ITPRIP: variants seen among roughly 807,000 people sequenced by gnomAD.
ITPRIP encodes the protein inositol 1,4,5-trisphosphate receptor interacting protein, also known as inositol 1,4,5-trisphosphate receptor-interacting protein.
ITPRIP carries 32 observed loss-of-function variants against 35.8 expected under a neutral mutation model. The observed-to-expected ratio is 0.89, with a 90% CI of 0.68 to 1.20. ITPRIP has a LOEUF of 1.20. Ranked by LOEUF, ITPRIP falls within the 50% of genes most tolerant of loss-of-function variation. ITPRIP has a pLI of 0.00. For synonymous variants in ITPRIP, 358 were observed against 324.0 expected (o/e 1.11, Z -1.13); for missense variants, 653 against 735.6 (o/e 0.89, Z 1.30).
intron 1 of ITPRIP, among the ~76,000 whole-genome samples, chr10:104,337,355 T>C (rs896336815): frequency 2.0e-5 from 3 of 152,142 alleles, no homozygotes; most frequent in African/African-American, 4.8e-5. Flanking sequence ...CTCTACTGTT[T>C]GTGAAATGAG....
At chr10:104,329,239 T>C (rs775620664) in intron 1 of ITPRIP, among the ~76,000 whole-genome samples, 1 of 151,976 alleles carries the variant, frequency 6.6e-6, no homozygotes, top group Admixed American at 6.6e-5. Context: ...GGCTGAACAA[T>C]AGAGCCGGGC....
At chr10:104,316,191 G>A (rs1373421984) in intron 1 of ITPRIP, 127 bp from the exon 2 acceptor site, 22 of 764,922 alleles carry the variant, frequency 2.9e-5, no homozygotes, top group Non-Finnish European at 4.4e-5. Flanking sequence ...CCCATCGAGA[G>A]CTCCCTGCGG....
Position 104,315,359 on chromosome 10 carries a change from G to A in ITPRIP, c.693C>T (p.Arg231=), listed in dbSNP as rs755110911. The change falls in exon 2 of 2, where the codon CGC becomes CGT. Residue 231 remains arginine (R), a synonymous_variant. Coordinates refer to ENST00000337478, the MANE Select transcript of ITPRIP (RefSeq NM_001272013.2). This position sits in a 1 kb window ranked among gnomAD's most constrained non-coding sequence, Gnocchi z 5.7. ...RFHPELWCSG[R]SVPLDRQGYG... ...AGCCCTGGCGATCCAGGGGCACTGA[G>A]CGGCCGGAGCACCAGAGCTCTGGGT... is the stretch of plus-strand genomic sequence containing the variant. 1 of 1,561,702 alleles carries A rather than the reference G, an allele frequency of 6.4e-7. No homozygotes were observed. The highest frequency in any genetic ancestry group is 8.7e-7 in the Non-Finnish European group (1 of 1,150,668).
At chr10:104,324,791 C>G (rs1288342200) in intron 1 of ITPRIP, among the ~76,000 whole-genome samples, 1 of 152,204 alleles carries the variant, frequency 6.6e-6, no homozygotes, top group African/African-American at 2.4e-5. Context: ...AGGGGCGAGT[C>G]CCCACGCCAC....
rs2013662551 is a variant in ITPRIP, at chr10:104,315,862, C to G, written c.190G>C (p.Ala64Pro). ...RLEEEVARLAAEKEALEQVAE... is the reference protein window; with the variant it reads ...RLEEEVARLAPEKEALEQVAE... ...ACCTGCTCCAGTGCCTCCTTTTCGG[C>G]CGCCAGCCGAGCCACCTCCTCCTCC... The change falls in exon 2 of 2, where the codon GCC (alanine) becomes CCC (proline). Residue 64 changes from alanine (A) to proline (P), a missense_variant. By Grantham distance (27) the Ala-to-Pro change is conservative. Transcript: ENST00000337478. The surrounding 1 kb of genome is among the most constrained non-coding windows in gnomAD (Gnocchi z 5.7). The G allele has an allele frequency of 6.2e-7, 1 of 1,612,936 alleles. No homozygotes were observed. Among genetic ancestry groups the G allele is most frequent in the Non-Finnish European group, 8.5e-7 (1 of 1,179,418 alleles).
At chr10:104,338,184 C>G (rs897328804) in intron 1 of ITPRIP, 62 bp downstream of exon 1, 5 of 152,970 alleles carry the variant, frequency 3.3e-5, no homozygotes, top group African/African-American at 4.8e-5. Flanking sequence ...ACAGCTCCTC[C>G]GAGCTCGCGC....
At position 104,314,055 on chromosome 10, in the gene ITPRIP, A is replaced by T. The variant is rs2013559553; in HGVS notation, c.*353T>A. The T allele has an allele frequency of 1.4e-5, 15 of 1,044,282 alleles. No individual in the cohort carries two copies. The highest frequency in any genetic ancestry group is 1.7e-5 in the Non-Finnish European group (15 of 866,384). 64.7% of individuals were successfully genotyped at this position (1,044,282 alleles called of 1,614,324 possible). A position where few individuals can be genotyped will look rare whatever the true frequency, so the allele number is the denominator to read the frequency against. On this transcript the variant is annotated 3_prime_UTR_variant, in exon 2 of 2. Transcript: ENST00000337478. ...TATTCAAGTACAGACTGGATCTGGG[A>T]TTCAAAAAGAATTACACCCAATCCA...
chr10:104,314,102 C>A lies in ITPRIP; in HGVS notation c.*306G>T. ...TCCAACATTTGCATTGTCTCTAACT[C>A]AGGGTCCACAGCGTGTTCTGCCACC... On this transcript the variant is annotated 3_prime_UTR_variant, in exon 2 of 2. Transcript: ENST00000337478. The A allele has an allele frequency of 8.7e-7, 1 of 1,154,870 alleles. No individual in the cohort carries two copies. Among genetic ancestry groups the A allele is most frequent in the Non-Finnish European group, 1.1e-6 (1 of 935,604 alleles). 71.5% of individuals were successfully genotyped at this position (1,154,870 alleles called of 1,614,324 possible).
In ITPRIP at chr10:104,315,065, G is replaced by C. The variant is rs768580768; in HGVS notation, c.987C>G (p.Asp329Glu). Reference sequence around the variant, plus strand: ...ACTTGATCTTCAGGGACCCCGGGCTGTCCAGCTGGCCAAAGGCCAGGTCGA... The same window carrying C: ...ACTTGATCTTCAGGGACCCCGGGCTCTCCAGCTGGCCAAAGGCCAGGTCGA... ...YEFDLAFGQL[D>E]SPGSLKIKFR... The change falls in exon 2 of 2, where the codon GAC becomes GAG. Residue 329 changes from aspartate to glutamate, a missense_variant. Physicochemically the swap from Asp to Glu is conservative, Grantham distance 45 (BLOSUM62 2). Coordinates refer to ENST00000337478, the MANE Select transcript of ITPRIP (RefSeq NM_001272013.2). The surrounding 1 kb of genome is among the most constrained non-coding windows in gnomAD (Gnocchi z 5.7). 3.1e-6 allele frequency: 5 copies of C among 1,614,206 alleles called. No individual in the cohort carries two copies. In the East Asian group the frequency reaches 8.9e-5, roughly 29 times the overall value.
rs545908377 is a variant in ITPRIP at position 104,326,159 on chromosome 10, G to A, written c.-13-10095C>T. On this transcript the variant is annotated intron_variant, in intron 1 of 1. Coordinates refer to ENST00000337478, the MANE Select transcript of ITPRIP (RefSeq NM_001272013.2). This position sits in a 1 kb window ranked among gnomAD's most constrained non-coding sequence, Gnocchi z 4.8. ...AAGGCCCACTCTCGGGAGAGGGAGC[G>A]GTTTCAAGAAGTCACCAGAATGCCA... Among the ~76,000 whole-genome samples the A allele has an allele frequency of 3.9e-5, 6 of 152,290 alleles. No homozygotes were observed. Among genetic ancestry groups the A allele is most frequent in the South Asian group, 2.1e-4 (1 of 4,828 alleles).
intron 1 of ITPRIP, among the ~76,000 whole-genome samples, chr10:104,318,720 A>T (rs79159747): frequency 0.094 from 14,311 of 152,268 alleles, 885 homozygotes; most frequent in Middle Eastern, 0.25. Flanking sequence ...AGGAGACAAG[A>T]CTGGGTCAGA....
chr10:104,321,281 A>G (rs2013838234), intron 1 of ITPRIP, among the ~76,000 whole-genome samples: 3 of 152,168 alleles, frequency 2.0e-5, no homozygotes, highest in African/African-American at 7.2e-5. Flanking sequence ...CTTGCCAGGA[A>G]GCCTGCTGAA....
At chr10:104,325,466 G>T (rs2013975721) in intron 1 of ITPRIP, among the ~76,000 whole-genome samples, 1 of 152,188 alleles carries the variant, frequency 6.6e-6, no homozygotes, top group African/African-American at 2.4e-5. Flanking sequence ...GTTGGCCCCA[G>T]CAGCCACATT....
intron 1 of ITPRIP, among the ~76,000 whole-genome samples, chr10:104,336,548 C>G (rs559215637): frequency 8.0e-5 from 12 of 149,422 alleles, no homozygotes; most frequent in Non-Finnish European, 1.2e-4. Context: ...AGGGTCTGAA[C>G]TCTGTCACCC....
At chr10:104,336,092 G>T (rs1056748815) in intron 1 of ITPRIP, among the ~76,000 whole-genome samples, 3 of 152,184 alleles carry the variant, frequency 2.0e-5, no homozygotes, top group African/African-American at 7.2e-5. Flanking sequence ...ATATGGCTTG[G>T]CTATGTCCAC....
At chr10:104,327,351 C>T (rs2014045201) in intron 1 of ITPRIP, among the ~76,000 whole-genome samples, 1 of 152,132 alleles carries the variant, frequency 6.6e-6, no homozygotes, top group African/African-American at 2.4e-5. Flanking sequence ...CAAGTCAGCG[C>T]TTTAAGAATG....
At position 104,333,725 on chromosome 10, in the gene ITPRIP, A is replaced by T. The variant is rs17754543; in HGVS notation, c.-14+4521T>A. On this transcript the variant is annotated intron_variant, in intron 1 of 1. Coordinates refer to ENST00000337478, the MANE Select transcript of ITPRIP (RefSeq NM_001272013.2). This position sits in a 1 kb window ranked among gnomAD's most constrained non-coding sequence, Gnocchi z 4.1. ...AAGATCAGGATGAGCAGCTCCAAAC[A>T]AACTGCTGGAAAGACCACTGAGGAT... 37,620 of 152,162 alleles carry T rather than the reference A, an allele frequency of 0.25. 4,851 individuals carry two copies. The highest frequency in any genetic ancestry group is 0.3 in the Middle Eastern group (89 of 296). The allele number at this position is 152,162 out of a possible 1,614,324, so 9.4% of individuals were successfully genotyped here.
In ITPRIP at chr10:104,316,026, C is replaced by A. The variant is rs1009035229; in HGVS notation, c.26G>T (p.Cys9Phe). The A allele has an allele frequency of 6.3e-7, 1 of 1,597,290 alleles. No individual in the cohort carries two copies. The highest frequency in any genetic ancestry group is 8.5e-7 in the Non-Finnish European group (1 of 1,172,420). ...GATGATGGCCGTCACCACCACCAGA[C>A]ACACGCGGAAGAGCCCCATGGCCAT... is the stretch of plus-strand genomic sequence containing the variant. MAMGLFRV[C>F]LVVVTAIINH... The change falls in exon 2 of 2, where the codon TGT (cysteine) becomes TTT (phenylalanine). Residue 9 changes from cysteine to phenylalanine, a missense_variant. By Grantham distance (205) the Cys-to-Phe change is radical. Transcript: ENST00000337478.
chr10:104,309,989 A>G lies in ITPRIP; in HGVS notation c.*4419T>C, dbSNP rs1389236599. 1.3e-5 allele frequency: 2 copies of G among 152,230 alleles called. No homozygotes were observed. The highest frequency in any genetic ancestry group is 2.9e-5 in the Non-Finnish European group (2 of 68,038). 9.4% of individuals were successfully genotyped at this position (152,230 alleles called of 1,614,324 possible). A position where few individuals can be genotyped will look rare whatever the true frequency, so the allele number is the denominator to read the frequency against. Reference sequence around the variant, plus strand: ...TTTTGGATGGCAATGAGAAAAGTTAACTCTAAAAGATGCCCTTCCCAGGGA... The same window carrying G: ...TTTTGGATGGCAATGAGAAAAGTTAGCTCTAAAAGATGCCCTTCCCAGGGA... On this transcript the variant is annotated 3_prime_UTR_variant, in exon 2 of 2. Coordinates refer to ENST00000337478, the MANE Select transcript of ITPRIP (RefSeq NM_001272013.2).
Sources: gnomAD v4.1 joint callset for allele counts (sites outside exome capture counted in the v4.1 genomes callset) on GRCh38, gnomAD v4.1.1 for gene constraint, Gnocchi (gnomAD v3.1) non-coding constraint, MANE v1.5 for transcripts, NCBI Gene and HGNC (gene_info 2026-07-23, HGNC 2026-07-21) for gene names.